SOX10: variants seen among roughly 807,000 people sequenced by gnomAD.
The protein encoded by SOX10 is transcription factor SOX-10.
In SOX10, 3 loss-of-function variants were observed where a neutral mutation model predicts 35.0. The observed-to-expected ratio is 0.09, with a 90% confidence interval of 0.04 to 0.22. SOX10 has a LOEUF of 0.22. Among genes scored for constraint, SOX10 ranks in the 10% least tolerant of loss-of-function variants. The probability of loss-of-function intolerance (pLI) is 1.00; values close to 1 mark genes in which losing one functional copy is unlikely to be tolerated. For synonymous variants in SOX10, 285 were observed against 291.0 expected (o/e 0.98, Z 0.21); for missense variants, 436 against 655.1 (o/e 0.67, Z 3.65).
In SOX10 at chr22:37,983,392, G is replaced by A; in HGVS notation, c.393C>T (p.Asn131=). ...KLADQYPHLH[N]AELSKTLGKL... ...TGCCCAGCGTCTTGCTGAGCTCAGC[G>A]TTGTGCAGGTGCGGGTACTGGTCCG... The change falls in exon 2 of 4, where the codon AAC becomes AAT. Residue 131 remains asparagine, a synonymous_variant. Coordinates refer to ENST00000396884, the MANE Select transcript of SOX10 (RefSeq NM_006941.4). This position sits in a 1 kb window ranked among gnomAD's most constrained non-coding sequence, Gnocchi z 9.5. The A allele has an allele frequency of 6.2e-7, 1 of 1,610,136 alleles. No homozygotes were observed.
In SOX10 at chr22:37,980,825, TTGC is replaced by T. The variant is rs1169990764; in HGVS notation, c.428+2529_428+2531del. Among the ~76,000 whole-genome samples the T allele has an allele frequency of 6.6e-6, 1 of 152,236 alleles. No homozygotes were observed. The highest frequency in any genetic ancestry group is 1.5e-5 in the Non-Finnish European group (1 of 68,054). The stretch of plus-strand genomic sequence containing the variant: ...GGGACCTCCCACAGTGGGGCACTGA[TTGC>T]TGCTACCTGTGTCCTGCTAGGCCAG... On this transcript the variant is annotated intron_variant, in intron 2 of 3. Transcript: ENST00000396884. The surrounding 1 kb of genome is among the most constrained non-coding windows in gnomAD (Gnocchi z 4.1).
rs1355635924 is a variant in SOX10, at chr22:37,984,137, A to G, written c.-85+202T>C. ...GAGGTTTGTTGATGATAAGGAAGAA[A>G]AAAACGGAGCCTTTATTTTGCTCTA... On this transcript the variant is annotated intron_variant, in intron 1 of 3. Transcript: ENST00000396884. This position sits in a 1 kb window ranked among gnomAD's most constrained non-coding sequence, Gnocchi z 4.4. 1 of 179,986 alleles carries G rather than the reference A, an allele frequency of 5.6e-6. No homozygotes were observed. Among genetic ancestry groups the G allele is most frequent in the African/African-American group, 2.4e-5 (1 of 42,078 alleles). 11.1% of individuals were successfully genotyped at this position (179,986 alleles called of 1,614,324 possible).
rs906149144 is a variant in SOX10, at chr22:37,983,286, G to A, written c.428+71C>T. On this transcript the variant is annotated intron_variant, in intron 2 of 3. Coordinates refer to ENST00000396884, the MANE Select transcript of SOX10 (RefSeq NM_006941.4). The surrounding 1 kb of genome is among the most constrained non-coding windows in gnomAD (Gnocchi z 9.5). ...GTCCCGCTCTGAGGTGCAGGAGGCCGGGCCGCCTCGGCTACCCTGAATCCA... is the reference window on the plus strand; with the variant it reads ...GTCCCGCTCTGAGGTGCAGGAGGCCAGGCCGCCTCGGCTACCCTGAATCCA... The A allele has an allele frequency of 7.2e-6, 11 of 1,520,804 alleles. No homozygotes were observed. The highest frequency in any genetic ancestry group is 1.4e-5 in the African/African-American group (1 of 72,772). 94.2% of individuals were successfully genotyped at this position (1,520,804 alleles called of 1,614,324 possible).
At position 37,973,481 on chromosome 22, in the gene SOX10, C is replaced by T. The variant is rs780196138; in HGVS notation, c.*14G>A. 66 of 1,530,842 alleles carry T rather than the reference C, an allele frequency of 4.3e-5. No individual in the cohort carries two copies. The highest frequency in any genetic ancestry group is 5.5e-5 in the African/African-American group (4 of 72,956). 94.8% of individuals were successfully genotyped at this position (1,530,842 alleles called of 1,614,324 possible). ...GCAGGGGCTGGGCGGGGGGTGGTGGCGACAGGGCCCCCTTTAGGGCCGGGA... is the reference window on the plus strand; with the variant it reads ...GCAGGGGCTGGGCGGGGGGTGGTGGTGACAGGGCCCCCTTTAGGGCCGGGA... On this transcript the variant is annotated 3_prime_UTR_variant, in exon 4 of 4. Transcript: ENST00000396884.
In SOX10 at chr22:37,984,134, G is replaced by T; in HGVS notation, c.-85+205C>A. ...GTGGAGGTTTGTTGATGATAAGGAA[G>T]AAAAAAACGGAGCCTTTATTTTGCT... On this transcript the variant is annotated intron_variant, in intron 1 of 3. Coordinates refer to ENST00000396884, the MANE Select transcript of SOX10 (RefSeq NM_006941.4). This position sits in a 1 kb window ranked among gnomAD's most constrained non-coding sequence, Gnocchi z 4.4. 5.5e-6 allele frequency: 1 copy of T among 181,202 alleles called. No individual in the cohort carries two copies. The allele number at this position is 181,202 out of a possible 1,614,324, so 11.2% of individuals were successfully genotyped here. A position where few individuals can be genotyped will look rare whatever the true frequency, so the allele number is the denominator to read the frequency against.
In SOX10 at chr22:37,973,668, G is replaced by A; in HGVS notation, c.1228C>T (p.Pro410Ser). 1 of 1,613,514 alleles carries A rather than the reference G, an allele frequency of 6.2e-7. No homozygotes were observed. The highest frequency in any genetic ancestry group is 8.5e-7 in the Non-Finnish European group (1 of 1,179,714). ...GCCTGGCCCGAGTGGCCATAATAGGGTCCTGAGGGCTGATGGTCAGAGTAG... is the reference window on the plus strand; with the variant it reads ...GCCTGGCCCGAGTGGCCATAATAGGATCCTGAGGGCTGATGGTCAGAGTAG... The part of the protein sequence containing the change: ...FDYSDHQPSG[P>S]YYGHSGQASG... Residue 410 changes from proline (P) to serine (S), a missense_variant, in exon 4 of 4, where the codon CCC becomes TCC. Pro to Ser is a moderately conservative substitution (Grantham distance 74, BLOSUM62 -1). Coordinates refer to ENST00000396884, the MANE Select transcript of SOX10 (RefSeq NM_006941.4).
At chr22:37,979,799 A>T (rs1932340037) in intron 2 of SOX10, among the ~76,000 whole-genome samples, 1 of 151,948 alleles carries the variant, frequency 6.6e-6, no homozygotes, top group African/African-American at 2.4e-5. Context: ...GGTCGAGGGG[A>T]AAGTCCAGAT....
intron 2 of SOX10, among the ~76,000 whole-genome samples, chr22:37,982,744 C>G (rs1028465241): frequency 2.0e-5 from 3 of 152,006 alleles, no homozygotes; most frequent in Non-Finnish European, 4.4e-5. Context: ...TGTGTCCTCT[C>G]CCTAGGAGGA....
In SOX10 at chr22:37,973,481, C is replaced by A. The variant is rs780196138; in HGVS notation, c.*14G>T. 1 of 1,530,962 alleles carries A rather than the reference C, an allele frequency of 6.5e-7. No individual in the cohort carries two copies. The highest frequency in any genetic ancestry group is 1.9e-5 in the Admixed American group (1 of 51,642). The allele number at this position is 1,530,962 out of a possible 1,614,324, so 94.8% of individuals were successfully genotyped here. On this transcript the variant is annotated 3_prime_UTR_variant, in exon 4 of 4. Transcript: ENST00000396884. ...GCAGGGGCTGGGCGGGGGGTGGTGG[C>A]GACAGGGCCCCCTTTAGGGCCGGGA...
At position 37,983,819 on chromosome 22, in the gene SOX10, G is replaced by A. The variant is rs1028963294; in HGVS notation, c.-35C>T. ...GGCCGCCGCCGCCGCCGCCTCGGCCGCCTCCCCCGGGCCAGCCGCCGGGGT... is the reference window on the plus strand; with the variant it reads ...GGCCGCCGCCGCCGCCGCCTCGGCCACCTCCCCCGGGCCAGCCGCCGGGGT... On this transcript the variant is annotated 5_prime_UTR_variant, in exon 2 of 4. Transcript: ENST00000396884. This position sits in a 1 kb window ranked among gnomAD's most constrained non-coding sequence, Gnocchi z 9.5. 3 of 1,395,368 alleles carry A rather than the reference G, an allele frequency of 2.1e-6. No homozygotes were observed. The highest frequency in any genetic ancestry group is 2.8e-5 in the Admixed American group (1 of 35,762). 86.4% of individuals were successfully genotyped at this position (1,395,368 alleles called of 1,614,324 possible).
At chr22:37,982,244 T>C (rs1932422026) in intron 2 of SOX10, among the ~76,000 whole-genome samples, 1 of 152,230 alleles carries the variant, frequency 6.6e-6, no homozygotes. Flanking sequence ...GTTCTGGCCC[T>C]GGCTCTGCTA....
intron 3 of SOX10, among the ~76,000 whole-genome samples, chr22:37,976,020 C>T (rs188287422): frequency 9.2e-5 from 14 of 152,082 alleles, no homozygotes; most frequent in Middle Eastern, 3.4e-3. Flanking sequence ...GTCAGGAATT[C>T]GAGACCAGCC....
Position 37,983,728 on chromosome 22 carries a change from C to T in SOX10, c.57G>A (p.Glu19=), listed in dbSNP as rs1434673450. The change falls in exon 2 of 4, where the codon GAG becomes GAA. Residue 19 remains glutamate (E), a synonymous_variant. Transcript: ENST00000396884. This position sits in a 1 kb window ranked among gnomAD's most constrained non-coding sequence, Gnocchi z 9.5. ...EVELSPVGSE[E]PRCLSPGSAP... ...CGCTCCCCGGGGACAGGCAGCGGGG[C>T]TCCTCCGAGCCCACGGGGCTCAGCT... The T allele has an allele frequency of 1.3e-5, 20 of 1,487,222 alleles. No individual in the cohort carries two copies. Among genetic ancestry groups the T allele is most frequent in the African/African-American group, 1.4e-5 (1 of 69,084 alleles). 92.1% of individuals were successfully genotyped at this position (1,487,222 alleles called of 1,614,324 possible).
Position 37,983,601 on chromosome 22 carries a change from C to T in SOX10, c.184G>A (p.Glu62Lys). Residue 62 changes from glutamate (E) to lysine (K), a missense_variant, in exon 2 of 4, where the codon GAG becomes AAG. Physicochemically the swap from Glu to Lys is moderately conservative, Grantham distance 56. Coordinates refer to ENST00000396884, the MANE Select transcript of SOX10 (RefSeq NM_006941.4). This position sits in a 1 kb window ranked among gnomAD's most constrained non-coding sequence, Gnocchi z 9.5. ...GKVKKEQQDG[E>K]ADDDKFPVCI... ...ACGGGGAACTTGTCATCGTCCGCCT[C>T]GCCGTCCTGCTGCTCCTTCTTGACC... The T allele has an allele frequency of 6.2e-7, 1 of 1,608,032 alleles. No individual in the cohort carries two copies. Among genetic ancestry groups the T allele is most frequent in the South Asian group, 1.1e-5 (1 of 90,660 alleles).
Position 37,977,990 on chromosome 22 carries a change from C to T in SOX10, c.574G>A (p.Gly192Ser), listed in dbSNP as rs200475773. ...KAAQGEAECP[G>S]GEAEQGGTAA... ...GTCCCACCTTGCTCGGCCTCCCCAC[C>T]GGGGCACTCCGCCTCGCCCTGGGCG... Residue 192 changes from glycine to serine, a missense_variant, in exon 3 of 4, where the codon GGT (glycine) becomes AGT (serine). Gly to Ser is a moderately conservative substitution (Grantham distance 56). Coordinates refer to ENST00000396884, the MANE Select transcript of SOX10 (RefSeq NM_006941.4). 252 of 1,611,866 alleles carry T rather than the reference C, an allele frequency of 1.6e-4. 1 individual carries two copies. Among genetic ancestry groups the T allele is most frequent in the Non-Finnish European group, 1.9e-4 (225 of 1,179,848 alleles).
At chr22:37,976,040 C>A (rs937960605) in intron 3 of SOX10, among the ~76,000 whole-genome samples, 2 of 151,910 alleles carry the variant, frequency 1.3e-5, no homozygotes, top group African/African-American at 4.8e-5. Context: ...CTGGCCAACA[C>A]GGTGAAAAAC....
intron 3 of SOX10, 118 bp downstream of exon 3, chr22:37,977,749 G>A: frequency 4.4e-6 from 5 of 1,144,282 alleles, no homozygotes; most frequent in Non-Finnish European, 6.2e-6. Context: ...AGCTCTGCTG[G>A]GGCAACTGCA....
chr22:37,979,203 T>G (rs796394617), intron 2 of SOX10, among the ~76,000 whole-genome samples: 14 of 152,232 alleles, frequency 9.2e-5, no homozygotes, highest in African/African-American at 3.4e-4. Flanking sequence ...GTTCAAGCGA[T>G]TCTCCTGCCT....
At chr22:37,976,625 G>A (rs1184041584) in intron 3 of SOX10, among the ~76,000 whole-genome samples, 1 of 152,184 alleles carries the variant, frequency 6.6e-6, no homozygotes, top group African/African-American at 2.4e-5. Context: ...CAGATGCCCG[G>A]GAGCCAAACT....
Sources: allele counts gnomAD v4.1 joint callset (sites outside exome capture counted in the v4.1 genomes callset), GRCh38; gene constraint gnomAD v4.1.1; non-coding constraint Gnocchi (gnomAD v3.1); transcripts MANE v1.5; gene names NCBI Gene and HGNC (gene_info 2026-07-23, HGNC 2026-07-21).